The following TDRKH variants were observed in gnomAD, a reference collection of about 807,000 sequenced individuals.
TDRKH encodes tudor and KH domain-containing protein.
Under a neutral mutation model 61.3 loss-of-function variants are expected in TDRKH, and 28 were observed. That is an observed-to-expected ratio of 0.46 (90% CI 0.34 to 0.63). The LOEUF is 0.63. Among genes scored for constraint, TDRKH ranks in the 20% least tolerant of loss-of-function variants. TDRKH has a pLI of 0.01. For missense variants in TDRKH, 540 were observed against 683.4 expected, an observed-to-expected ratio of 0.79 and a Z score of 2.34; for synonymous variants, 219 against 244.4, an observed-to-expected ratio of 0.90 and a Z score of 0.97.
chr1:151,781,428 T>C (rs1649805645), intron 3 of TDRKH, 53 bp downstream of exon 3: 3 of 1,514,560 alleles, frequency 2.0e-6, no homozygotes, highest in East Asian at 2.3e-5. Context: ...AAACAAGAAA[T>C]CAATAAACAG....
downstream of TDRKH, among the ~76,000 whole-genome samples, chr1:151,768,404 T>A (rs769881139): frequency 1.3e-5 from 2 of 151,826 alleles, no homozygotes; most frequent in Non-Finnish European, 2.9e-5. Flanking sequence ...GGGATAAGAG[T>A]CCATGGGAAG....
chr1:151,774,833 GA>G, intron 11 of TDRKH, 27 bp from the exon 12 acceptor site: 1 of 1,611,514 alleles, frequency 6.2e-7, no homozygotes, highest in Non-Finnish European at 8.5e-7. Context: ...AGGAAAAAAG[GA>G]GGAACATGTT....
rs920322106 is a variant in TDRKH at position 151,774,412 on chromosome 1, C to T, written c.*40G>A. On this transcript the variant is annotated 3_prime_UTR_variant, in exon 13 of 13. Coordinates refer to ENST00000368824, the MANE Select transcript of TDRKH (RefSeq NM_001083965.2). ...TACAGATAGATGATAGCTGCACTCA[C>T]ACAGCAAAGCAGATGGCTGAGCAAA... 6.2e-7 allele frequency: 1 copy of T among 1,608,922 alleles called. No homozygotes were observed. The highest frequency in any genetic ancestry group is 1.3e-5 in the African/African-American group (1 of 74,822).
intron 1 of TDRKH, among the ~76,000 whole-genome samples, chr1:151,787,765 T>C (rs1357554454): frequency 7.9e-6 from 1 of 126,144 alleles, no homozygotes; most frequent in African/African-American, 3.1e-5. Context: ...TGAGACCAAG[T>C]ATTCAAGACT....
chr1:151,788,487 A>C (rs1460337495), intron 1 of TDRKH, among the ~76,000 whole-genome samples: 1 of 152,070 alleles, frequency 6.6e-6, no homozygotes, highest in Non-Finnish European at 1.5e-5. Context: ...CTGGATCTGT[A>C]TTTTCATGCT....
At chr1:151,775,221 T>C in intron 10 of TDRKH, 55 bp from the exon 11 acceptor site, 1 of 1,599,082 alleles carries the variant, frequency 6.3e-7, no homozygotes, top group Non-Finnish European at 8.6e-7. Context: ...AGGGCAAATT[T>C]GAGGAAACAA....
At chr1:151,771,695 A>G, downstream of TDRKH, 2 of 382,246 alleles carry the variant, frequency 5.2e-6, no homozygotes, top group African/African-American at 4.1e-5. Flanking sequence ...GGTAACATAG[A>G]AGAGGGCATT....
chr1:151,781,481 CTG>C lies in TDRKH; in HGVS notation c.229_230del (p.Gln77AlafsTer10). The C allele has an allele frequency of 6.2e-7, 1 of 1,613,116 alleles. No homozygotes were observed. Among genetic ancestry groups the C allele is most frequent in the Non-Finnish European group, 8.5e-7 (1 of 1,179,548 alleles). On this transcript the variant is annotated frameshift_variant and splice_region_variant, in exon 3 of 13. Coordinates refer to ENST00000368824, the MANE Select transcript of TDRKH (RefSeq NM_001083965.2). LOFTEE classifies it high-confidence loss of function. ...IIGRQGANIK[Q>X]LRKQTGARID... is the part of the protein sequence containing the mutation. ...GCAGACTGCCTACTCACACACTTAC[CTG>C]TTTAATATTGGCTCCTTGCCGGCCA...
intron 1 of TDRKH, chr1:151,783,531 G>A (rs761513525): frequency 2.0e-5 from 3 of 152,198 alleles, no homozygotes; most frequent in African/African-American, 7.3e-5. Context: ...ACTCCTTAAC[G>A]AACAGTGAAA....
intron 6 of TDRKH, among the ~76,000 whole-genome samples, chr1:151,777,644 TTC>T (rs1276129222): frequency 8.5e-5 from 13 of 152,206 alleles, no homozygotes; most frequent in Non-Finnish European, 1.5e-4. Context: ...CATAAGTGTA[TTC>T]ATGAAAAAAG....
chr1:151,774,890 C>T, intron 11 of TDRKH, 84 bp from the exon 12 acceptor site: 1 of 1,505,474 alleles, frequency 6.6e-7, no homozygotes, highest in Non-Finnish European at 9.2e-7. Flanking sequence ...TCTCATAGGA[C>T]CTGGTTAAGG....
At chr1:151,774,830 AAGG>A in intron 11 of TDRKH, 24 bp from the exon 12 acceptor site, 1 of 1,612,146 alleles carries the variant, frequency 6.2e-7, no homozygotes, top group Non-Finnish European at 8.5e-7. Flanking sequence ...AACAGGAAAA[AAGG>A]AGGAACATGT....
chr1:151,774,568 G>A (rs1648966215), intron 12 of TDRKH, 64 bp from the exon 13 acceptor site: 6 of 1,598,934 alleles, frequency 3.8e-6, no homozygotes, highest in African/African-American at 1.3e-5. Flanking sequence ...CAATGCCAGC[G>A]AGGCTCAAAA....
intron 3 of TDRKH, among the ~76,000 whole-genome samples, chr1:151,780,372 G>A (rs1034053282): frequency 2.7e-5 from 4 of 150,506 alleles, no homozygotes; most frequent in African/African-American, 4.9e-5. Flanking sequence ...CCAAATAGCA[G>A]TAAATTCAAA....
rs772790806 is a variant in TDRKH at position 151,775,208 on chromosome 1, G to A, written c.1435-42C>T. The A allele has an allele frequency of 1.1e-5, 17 of 1,606,390 alleles. No homozygotes were observed. The African/African-American group carries it at 2.3e-4, about 22-fold the overall frequency. On this transcript the variant is annotated intron_variant, in intron 10 of 12. Coordinates refer to ENST00000368824, the MANE Select transcript of TDRKH (RefSeq NM_001083965.2). ...AAAGGGAATGATGTTCTCTCAGTAAGCAAGGGCAAATTTGAGGAAACAAGG... is the reference window on the plus strand; with the variant it reads ...AAAGGGAATGATGTTCTCTCAGTAAACAAGGGCAAATTTGAGGAAACAAGG...
intron 1 of TDRKH, 47 bp from the exon 2 acceptor site, chr1:151,783,096 T>C: frequency 1.3e-6 from 2 of 1,558,266 alleles, no homozygotes; most frequent in East Asian, 2.4e-5. Flanking sequence ...ATCCAATCCT[T>C]TTATGAATAG....
At chr1:151,778,061 C>T (rs569526702) in intron 6 of TDRKH, among the ~76,000 whole-genome samples, 2 of 152,148 alleles carry the variant, frequency 1.3e-5, no homozygotes, top group South Asian at 2.1e-4. Context: ...TATAACAGAG[C>T]GGGCTGGTAA....
Position 151,778,810 on chromosome 1 carries a change from G to A in TDRKH, c.758C>T (p.Pro253Leu), listed in dbSNP as rs1649465526. Residue 253 changes from proline to leucine, a missense_variant, in exon 6 of 13, where the codon CCT (proline) becomes CTT (leucine). Pro to Leu is a moderately conservative substitution (Grantham distance 98). Around this residue, in one of 3 missense-constraint regions of TDRKH, gnomAD observed 379 missense variants for 443.8 expected, o/e 0.85. Transcript: ENST00000368824. ...CATGTCGCCTCCTCCTTTGGGTGGA[G>A]GAGTCACCAGGGGTGCAGTCGGCTC... ...SMEPTAPLVT[P>L]PPKGGGDMAV... 2 of 1,614,034 alleles carry A rather than the reference G, an allele frequency of 1.2e-6. No individual in the cohort carries two copies. The highest frequency in any genetic ancestry group is 1.7e-6 in the Non-Finnish European group (2 of 1,180,030).
downstream of TDRKH, among the ~76,000 whole-genome samples, chr1:151,769,811 G>A (rs557787992): frequency 2.0e-5 from 3 of 152,356 alleles, no homozygotes; most frequent in South Asian, 4.1e-4. Flanking sequence ...ACGAGGCTCC[G>A]TCTGCAATCC....
Sources: allele counts gnomAD v4.1 joint callset (sites outside exome capture counted in the v4.1 genomes callset), GRCh38; gene constraint gnomAD v4.1.1; regional missense constraint gnomAD v4.1.1; transcripts MANE v1.5; gene names NCBI Gene and HGNC (gene_info 2026-07-23, HGNC 2026-07-21).